The following GRHL3 variants were observed in gnomAD, a reference collection of about 807,000 sequenced individuals.
GRHL3 encodes grainyhead-like protein 3 homolog.
In GRHL3, 20 loss-of-function variants were observed where a neutral mutation model predicts 70.3. The observed-to-expected ratio is 0.28, with a 90% CI of 0.20 to 0.41. The LOEUF is 0.41. Ranked by LOEUF, GRHL3 falls within the 10% of genes least tolerant of loss-of-function variation. GRHL3 has a pLI of 1.00. For missense variants in GRHL3, 637 were observed against 762.3 expected (o/e 0.84, Z 1.94); for synonymous variants, 299 against 299.9 (o/e 1.00, Z 0.03).
intron 11 of GRHL3, among the ~76,000 whole-genome samples, chr1:24,344,146 C>A (rs1227810895): frequency 6.6e-6 from 1 of 152,156 alleles, no homozygotes; most frequent in Non-Finnish European, 1.5e-5. Flanking sequence ...CACCTGTGAG[C>A]CTGGGAGAGG....
chr1:24,353,624 C>T (rs1010963717), intron 15 of GRHL3, among the ~76,000 whole-genome samples: 2 of 151,906 alleles, frequency 1.3e-5, no homozygotes, highest in Non-Finnish European at 2.9e-5. Context: ...CCATTACATG[C>T]TCAGAAGACA....
At chr1:24,326,587 G>A (rs962561554) in intron 1 of GRHL3, among the ~76,000 whole-genome samples, 4 of 152,094 alleles carry the variant, frequency 2.6e-5, no homozygotes, top group African/African-American at 7.2e-5. Flanking sequence ...CCTCCGTGTC[G>A]GCAGGGATGA....
intron 1 of GRHL3, among the ~76,000 whole-genome samples, chr1:24,325,613 C>T (rs767516808): frequency 6.6e-6 from 1 of 152,234 alleles, no homozygotes; most frequent in African/African-American, 2.4e-5. Flanking sequence ...TAGACTTTCA[C>T]CATCCTGGTG....
intron 1 of GRHL3, among the ~76,000 whole-genome samples, chr1:24,323,757 A>G (rs1011779078): frequency 2.6e-5 from 4 of 152,120 alleles, no homozygotes; most frequent in Non-Finnish European, 5.9e-5. Context: ...TGCCGCAAAT[A>G]ATCCTGGCTG....
intron 3 of GRHL3, among the ~76,000 whole-genome samples, chr1:24,336,215 GTTT>G (rs57566921): frequency 7.0e-6 from 1 of 142,496 alleles, no homozygotes; most frequent in African/African-American, 2.6e-5. Flanking sequence ...AACTTTCAGG[GTTT>G]TTTTTTTTTT....
rs1639890785 is a variant in GRHL3 at position 24,338,012 on chromosome 1, C to T, written c.861C>T (p.Phe287=). The T allele has an allele frequency of 2.5e-6, 4 of 1,609,822 alleles. No individual in the cohort carries two copies. Among genetic ancestry groups the T allele is most frequent in the African/African-American group, 2.7e-5 (2 of 74,728 alleles). ...TGCAGAGTGTGGTGATGGTTGTCTT[C>T]GACAATGAGAAGGTCCCAGTAGAGC... ...NKVKSVVMVV[F]DNEKVPVEQL... Residue 287 remains phenylalanine (F), a synonymous_variant, in exon 7 of 16, where the codon TTC becomes TTT. Coordinates refer to ENST00000361548, the MANE Select transcript of GRHL3 (RefSeq NM_198173.3).
At position 24,337,727 on chromosome 1, in the gene GRHL3, C is replaced by T; in HGVS notation, c.778C>T (p.Pro260Ser). 1 of 1,614,216 alleles carries T rather than the reference C, an allele frequency of 6.2e-7. No individual in the cohort carries two copies. The highest frequency in any genetic ancestry group is 1.1e-5 in the South Asian group (1 of 91,084). The change falls in exon 6 of 16, where the codon CCC becomes TCC. Residue 260 changes from proline to serine, a missense_variant. By Grantham distance (74) the Pro-to-Ser change is moderately conservative (BLOSUM62 -1). Coordinates refer to ENST00000361548, the MANE Select transcript of GRHL3 (RefSeq NM_198173.3). ...MAYLNKGQFY[P>S]VTLRTPAGGK... Reference sequence around the variant, plus strand: ...CTACCTCAACAAAGGCCAGTTCTACCCCGTCACCCTGCGGACCCCAGCAGG... The same window carrying T: ...CTACCTCAACAAAGGCCAGTTCTACTCCGTCACCCTGCGGACCCCAGCAGG...
chr1:24,342,177 C>T lies in GRHL3; in HGVS notation c.1110C>T (p.Val370=). 2 of 1,612,738 alleles carry T rather than the reference C, an allele frequency of 1.2e-6. No homozygotes were observed. Among genetic ancestry groups the T allele is most frequent in the African/African-American group, 1.3e-5 (1 of 74,980 alleles). Residue 370 remains valine (V), a synonymous_variant, in exon 9 of 16, where the codon GTC becomes GTT. Coordinates refer to ENST00000361548, the MANE Select transcript of GRHL3 (RefSeq NM_198173.3). The surrounding 1 kb of genome is among the most constrained non-coding windows in gnomAD (Gnocchi z 4.8). ...CCTCACAAAAGGGGGTGAAGGGTGT[C>T]CCCCTGAACCTGCAGATTGACACCT... The part of the protein sequence containing the change: ...DFSSQKGVKG[V]PLNLQIDTYD...
Position 24,331,508 on chromosome 1 carries a change from A to T in GRHL3, c.100A>T (p.Thr34Ser). Residue 34 changes from threonine (T) to serine (S), a missense_variant, in exon 2 of 16, where the codon ACG (threonine) becomes TCG (serine). Around this residue, in one of 2 missense-constraint regions of GRHL3, gnomAD observed 250 missense variants for 248.6 expected, o/e 1.01. Coordinates refer to ENST00000361548, the MANE Select transcript of GRHL3 (RefSeq NM_198173.3). ...CACTAGTGAGGATGAGGCCTGGAAG[A>T]CGTACCTAGAAAACCCGTTGACAGC... Reference protein sequence around the residue: ...SYTSEDEAWKTYLENPLTAAT... With the variant: ...SYTSEDEAWKSYLENPLTAAT... The T allele has an allele frequency of 6.2e-7, 1 of 1,614,180 alleles. No individual in the cohort carries two copies. Among genetic ancestry groups the T allele is most frequent in the East Asian group, 2.2e-5 (1 of 44,882 alleles).
At position 24,352,925 on chromosome 1, in the gene GRHL3, G is replaced by C. The variant is rs373309851; in HGVS notation, c.1695-1449G>C. The stretch of plus-strand genomic sequence containing the variant: ...CTGAGAGCGGCAGGGAGAGACAACT[G>C]GATGTGGGCCATGCCTTCGGGTCCA... On this transcript the variant is annotated intron_variant, in intron 15 of 15. Transcript: ENST00000361548. Among the ~76,000 whole-genome samples the C allele has an allele frequency of 9.8e-4, 150 of 152,348 alleles. 1 individual carries two copies. Among genetic ancestry groups the C allele is most frequent in the Middle Eastern group, 6.8e-3 (2 of 294 alleles).
downstream of GRHL3, among the ~76,000 whole-genome samples, chr1:24,355,839 G>A (rs565136218): frequency 1.3e-5 from 2 of 152,128 alleles, no homozygotes; most frequent in South Asian, 2.1e-4. Flanking sequence ...TACAAATCAA[G>A]GCCTTTATTT....
intron 14 of GRHL3, among the ~76,000 whole-genome samples, chr1:24,348,971 G>T (rs11591176): frequency 0.11 from 16,721 of 152,282 alleles, 1,028 homozygotes; most frequent in Non-Finnish European, 0.15. Flanking sequence ...TTACAGAGCT[G>T]TTTCCCTGGG....
chr1:24,326,229 A>G (rs1004013576), intron 1 of GRHL3, among the ~76,000 whole-genome samples: 34 of 152,218 alleles, frequency 2.2e-4, no homozygotes, highest in African/African-American at 7.2e-4. Context: ...CACCTGGCAC[A>G]CAGTAGGCGG....
In GRHL3 at chr1:24,322,589, C is replaced by T. The variant is rs1639240176; in HGVS notation, c.17+3021C>T. Among the ~76,000 whole-genome samples the T allele has an allele frequency of 6.6e-6, 1 of 152,068 alleles. No homozygotes were observed. The highest frequency in any genetic ancestry group is 1.5e-5 in the Non-Finnish European group (1 of 67,924). On this transcript the variant is annotated intron_variant, in intron 1 of 15. Coordinates refer to ENST00000361548, the MANE Select transcript of GRHL3 (RefSeq NM_198173.3). The surrounding 1 kb of genome is among the most constrained non-coding windows in gnomAD (Gnocchi z 4.4). ...AGGCTTGAGCCAACCCTAACGGCGG[C>T]GGCCCGGGCGGCGCGGGGGTCCTGC... is the stretch of plus-strand genomic sequence containing the variant.
At chr1:24,346,691 C>T (rs373722772) in intron 13 of GRHL3, 50 bp downstream of exon 13, 3 of 1,401,680 alleles carry the variant, frequency 2.1e-6, no homozygotes, top group African/African-American at 2.8e-5. Context: ...CCAGCTCCCA[C>T]CTCCCTCATG....
intron 2 of GRHL3, among the ~76,000 whole-genome samples, chr1:24,332,871 G>A (rs903636633): frequency 1.3e-5 from 2 of 152,210 alleles, no homozygotes; most frequent in African/African-American, 4.8e-5. Context: ...TCTCCTTCTG[G>A]AGTGGTCTGG....
At chr1:24,364,226 C>G (rs1016021379) in exon 16 of GRHL3, 2 of 1,544,624 alleles carry the variant, frequency 1.3e-6, no homozygotes, top group South Asian at 1.2e-5. Context: ...CGCCACCCCC[C>G]ACCTGACTGT....
At chr1:24,357,161 T>G (rs992491366), downstream of GRHL3, 3 of 150,710 alleles carry the variant, frequency 2.0e-5, no homozygotes, top group Non-Finnish European at 4.4e-5. Context: ...TGCCTGCCCC[T>G]GTGGGAGGGA....
At chr1:24,325,961 C>T (rs1374620653) in intron 1 of GRHL3, among the ~76,000 whole-genome samples, 1 of 152,188 alleles carries the variant, frequency 6.6e-6, no homozygotes, top group South Asian at 2.1e-4. Flanking sequence ...GGCCTGATGC[C>T]TTGAGGTACA....
Sources: allele counts gnomAD v4.1 joint callset (sites outside exome capture counted in the v4.1 genomes callset), GRCh38; gene constraint gnomAD v4.1.1; regional missense constraint gnomAD v4.1.1; non-coding constraint Gnocchi (gnomAD v3.1); transcripts MANE v1.5; gene names NCBI Gene and HGNC (gene_info 2026-07-23, HGNC 2026-07-21).